Variants in ROBO2 observed in about 807,000 individuals in gnomAD.
The protein encoded by ROBO2 is roundabout homolog 2.
ROBO2 carries 53 observed loss-of-function variants against 160.8 expected under a neutral mutation model. That is an observed-to-expected ratio of 0.33 (90% CI 0.26 to 0.41). The LOEUF is 0.41. Among genes scored for constraint, ROBO2 ranks in the 10% least tolerant of loss-of-function variants. ROBO2 has a pLI of 1.00. For synonymous variants in ROBO2, 664 were observed against 611.7 expected, an observed-to-expected ratio of 1.09 and a Z score of -1.26; for missense variants, 1,577 against 1,722.4, an observed-to-expected ratio of 0.92 and a Z score of 1.49.
intron 2 of ROBO2, among the ~76,000 whole-genome samples, chr3:77,216,282 C>T (rs902528291): frequency 6.6e-6 from 1 of 152,274 alleles, no homozygotes; most frequent in Non-Finnish European, 1.5e-5. Flanking sequence ...ATGGCGGGCG[C>T]CCCTCCCCCA....
At position 77,070,604 on chromosome 3, in the gene ROBO2, A is replaced by C. The variant is rs76217619; in HGVS notation, c.62-27410A>C. On this transcript the variant is annotated intron_variant, in intron 1 of 25. Coordinates refer to ENST00000461745, the Ensembl canonical transcript of ROBO2. Reference sequence around the variant, plus strand: ...AGGGGGACACACTATTCAACCCACTATAACTGTTATGCCAAGAGAGTTGTC... The same window carrying C: ...AGGGGGACACACTATTCAACCCACTCTAACTGTTATGCCAAGAGAGTTGTC... Among the ~76,000 whole-genome samples, 304 of 152,272 alleles carry C rather than the reference A, an allele frequency of 2.0e-3. 1 individual carries two copies. Among genetic ancestry groups the C allele is most frequent in the African/African-American group, 6.7e-3 (280 of 41,574 alleles).
Position 77,424,766 on chromosome 3 carries a change from G to A in ROBO2, c.389-52648G>A, listed in dbSNP as rs976425178. Among the ~76,000 whole-genome samples the A allele has an allele frequency of 7.2e-5, 11 of 152,228 alleles. No individual in the cohort carries two copies. The South Asian group carries it at 1.0e-3, about 14-fold the overall frequency. ...ATGAACACTGCGTGCCCGTGTATGC[G>A]TGTGAAGTCACAAAGAGAAGGGTTG... On this transcript the variant is annotated intron_variant, in intron 2 of 25. Transcript: ENST00000461745.
chr3:77,270,574 A>AAGG (rs58245312), intron 2 of ROBO2, among the ~76,000 whole-genome samples: 119,962 of 151,042 alleles, frequency 0.79, 47,894 homozygotes, highest in East Asian at 0.95. Context: ...GTACAAAAAT[A>AAGG]AGATATAAGA....
chr3:76,803,602 C>T (rs2064426355), intron 2 of ROBO2, among the ~76,000 whole-genome samples: 1 of 152,024 alleles, frequency 6.6e-6, no homozygotes. Flanking sequence ...ACAAACTTAT[C>T]TTTCTCTACT....
intron 2 of ROBO2, among the ~76,000 whole-genome samples, chr3:76,972,284 G>A (rs1357178471): frequency 6.6e-6 from 1 of 151,972 alleles, no homozygotes; most frequent in Non-Finnish European, 1.5e-5. Context: ...TTCCCTAACT[G>A]CCATTCAAAA....
At chr3:77,577,018 GA>G (rs1175465241) in intron 14 of ROBO2, among the ~76,000 whole-genome samples, 7 of 152,120 alleles carry the variant, frequency 4.6e-5, no homozygotes, top group African/African-American at 1.7e-4. Flanking sequence ...TTGGTTAGAA[GA>G]AGTTATGGTT....
intron 2 of ROBO2, among the ~76,000 whole-genome samples, chr3:76,698,668 T>G (rs2092984324): frequency 1.3e-5 from 2 of 152,170 alleles, no homozygotes; most frequent in South Asian, 2.1e-4. Context: ...ATTATAATCC[T>G]GGTCAGATTT....
intron 2 of ROBO2, among the ~76,000 whole-genome samples, chr3:77,133,245 T>A (rs752790612): frequency 1.3e-5 from 2 of 152,184 alleles, no homozygotes; most frequent in Non-Finnish European, 2.9e-5. Context: ...TTTTCCATTT[T>A]TTTGTCAGGT....
chr3:76,835,714 G>A (rs1034524327), intron 2 of ROBO2, among the ~76,000 whole-genome samples: 2 of 151,728 alleles, frequency 1.3e-5, no homozygotes, highest in Non-Finnish European at 1.5e-5. Flanking sequence ...TTTGTCAAGC[G>A]TGTTGACATA....
At chr3:76,687,208 T>C (rs2092703796) in intron 2 of ROBO2, among the ~76,000 whole-genome samples, 1 of 152,106 alleles carries the variant, frequency 6.6e-6, no homozygotes, top group Non-Finnish European at 1.5e-5. Flanking sequence ...CAGAGGTCAA[T>C]AATACAGGCT....
intron 2 of ROBO2, among the ~76,000 whole-genome samples, chr3:76,196,401 G>A (rs1702262819): frequency 6.6e-6 from 1 of 152,038 alleles, no homozygotes; most frequent in Admixed American, 6.6e-5. Context: ...TGTTTACTGG[G>A]GGAGAGAGAA....
chr3:76,498,675 T>A (rs1032558158), intron 2 of ROBO2, among the ~76,000 whole-genome samples: 1 of 146,132 alleles, frequency 6.8e-6, no homozygotes, highest in Non-Finnish European at 1.5e-5. Context: ...TTCTTCTTAG[T>A]TTGTCTGCTT....
intron 2 of ROBO2, among the ~76,000 whole-genome samples, chr3:77,127,548 A>G (rs757965728): frequency 5.3e-4 from 80 of 152,222 alleles, no homozygotes; most frequent in Middle Eastern, 3.4e-3. Flanking sequence ...GGCTAATTCT[A>G]TTTTTTTAAG....
chr3:77,321,915 T>A (rs2064748690), intron 2 of ROBO2, among the ~76,000 whole-genome samples: 1 of 152,014 alleles, frequency 6.6e-6, no homozygotes, highest in Non-Finnish European at 1.5e-5. Flanking sequence ...TAAGTGTAAA[T>A]GATCAAGAGT....
intron 2 of ROBO2, among the ~76,000 whole-genome samples, chr3:77,289,432 C>T (rs1334870549): frequency 7.5e-6 from 1 of 134,034 alleles, no homozygotes; most frequent in Non-Finnish European, 1.6e-5. Flanking sequence ...CTAGATCACC[C>T]CAGAAATTAA....
At chr3:76,602,668 T>A (rs971683083) in intron 2 of ROBO2, among the ~76,000 whole-genome samples, 4 of 152,150 alleles carry the variant, frequency 2.6e-5, no homozygotes, top group African/African-American at 9.7e-5. Context: ...ACTGGGCTCC[T>A]CCCATGACAG....
At chr3:76,524,736 G>C (rs2081836891) in intron 2 of ROBO2, among the ~76,000 whole-genome samples, 1 of 131,710 alleles carries the variant, frequency 7.6e-6, no homozygotes, top group Non-Finnish European at 1.6e-5. Flanking sequence ...ATTAAATGTT[G>C]TTTCCCTCAC....
Position 76,643,677 on chromosome 3 carries a change from C to G in ROBO2, c.110-454337C>G, listed in dbSNP as rs115535173. ...TAATTTATGTCTACCCCTGTTTCTG[C>G]TCTTAAAATACACTATAGGAAAATG... On this transcript the variant is annotated intron_variant, in intron 2 of 26. Coordinates refer to the ROBO2 transcript ENST00000487694. 8.8e-3 allele frequency among the ~76,000 whole-genome samples: 1,335 copies of G among 152,162 alleles called. 14 individuals carry two copies. The highest frequency in any genetic ancestry group is 0.03 in the African/African-American group (1,260 of 41,534).
chr3:76,636,257 T>A (rs375228792), intron 2 of ROBO2, among the ~76,000 whole-genome samples: 1 of 152,058 alleles, frequency 6.6e-6, no homozygotes, highest in Non-Finnish European at 1.5e-5. Context: ...GAGGAGGCAA[T>A]GTAGGTTGAA....
Sources: allele counts gnomAD v4.1 joint callset (sites outside exome capture counted in the v4.1 genomes callset), GRCh38; gene constraint gnomAD v4.1.1; transcripts MANE v1.5; gene names NCBI Gene and HGNC (gene_info 2026-07-23, HGNC 2026-07-21).